Variants in SPON1 observed in about 807,000 individuals in gnomAD.
SPON1 encodes the protein spondin 1.
SPON1 carries 52 observed loss-of-function variants against 111.7 expected under a neutral mutation model. The observed-to-expected ratio is 0.47, with a 90% confidence interval of 0.37 to 0.59. The LOEUF (loss-of-function observed/expected upper bound fraction) is 0.59. Ranked by LOEUF, SPON1 falls within the 20% of genes least tolerant of loss-of-function variation. SPON1 has a pLI of 0.00. For missense variants in SPON1, 957 were observed against 1,068.5 expected (o/e 0.90, Z 1.46); for synonymous variants, 410 against 395.8 (o/e 1.04, Z -0.43).
intron 7 of SPON1, among the ~76,000 whole-genome samples, chr11:14,247,884 A>G (rs1849009712): frequency 6.6e-6 from 1 of 152,244 alleles, no homozygotes; most frequent in South Asian, 2.1e-4. Context: ...CAGGGCAAGA[A>G]TTCTGCACTG....
intron 2 of SPON1, among the ~76,000 whole-genome samples, chr11:14,006,090 A>G (rs1554913086): frequency 6.6e-6 from 1 of 152,224 alleles, no homozygotes; most frequent in Non-Finnish European, 1.5e-5. Flanking sequence ...AGGGCTATAG[A>G]AAGAGCAGTC....
At chr11:14,035,217 G>A (rs1396679085) in intron 2 of SPON1, among the ~76,000 whole-genome samples, 2 of 152,142 alleles carry the variant, frequency 1.3e-5, no homozygotes, top group African/African-American at 4.8e-5. Flanking sequence ...TAAAGGATAT[G>A]GCACTATTAG....
intron 6 of SPON1, among the ~76,000 whole-genome samples, chr11:14,144,633 CCAA>C (rs782637310): frequency 0.021 from 2,634 of 123,924 alleles, 92 homozygotes; most frequent in African/African-American, 0.076. Flanking sequence ...GACTCCATCT[CCAA>C]TAATAATAAT....
At chr11:13,977,975 G>A (rs1848115373) in intron 1 of SPON1, among the ~76,000 whole-genome samples, 1 of 152,046 alleles carries the variant, frequency 6.6e-6, no homozygotes, top group South Asian at 2.1e-4. Context: ...GAAAGTAATT[G>A]TGGTTTTTGC....
chr11:14,255,236 T>C (rs1182806954), intron 8 of SPON1, among the ~76,000 whole-genome samples: 3 of 152,228 alleles, frequency 2.0e-5, no homozygotes, highest in African/African-American at 4.8e-5. Context: ...GGCTGTTTTC[T>C]CACTACCACA....
chr11:14,201,749 GTATT>G (rs1377504293), intron 6 of SPON1, among the ~76,000 whole-genome samples: 1 of 152,088 alleles, frequency 6.6e-6, no homozygotes, highest in African/African-American at 2.4e-5. Context: ...ATACACATAA[GTATT>G]TAATGTATGA....
intron 2 of SPON1, among the ~76,000 whole-genome samples, chr11:14,009,367 C>T (rs902281103): frequency 3.9e-5 from 6 of 152,174 alleles, no homozygotes; most frequent in East Asian, 3.8e-4. Flanking sequence ...CCAGTTTTCT[C>T]CTGCCCCAGG....
chr11:14,247,908 G>T (rs1339697365), intron 7 of SPON1, among the ~76,000 whole-genome samples: 1 of 152,116 alleles, frequency 6.6e-6, no homozygotes, highest in East Asian at 1.9e-4. Context: ...TCTAAAATTG[G>T]GAGCCCTCAA....
chr11:14,093,262 G>A (rs1849073171), intron 5 of SPON1, among the ~76,000 whole-genome samples: 1 of 152,236 alleles, frequency 6.6e-6, no homozygotes, highest in African/African-American at 2.4e-5. Context: ...CAGAAACAAG[G>A]TGACTAGGCA....
intron 3 of SPON1, among the ~76,000 whole-genome samples, chr11:14,064,310 C>T (rs370682401): frequency 6.6e-6 from 1 of 152,318 alleles, no homozygotes; most frequent in Middle Eastern, 3.4e-3. Flanking sequence ...GCCAAATGAA[C>T]AGTAACAACA....
At chr11:14,077,242 G>A (rs111639328) in intron 4 of SPON1, among the ~76,000 whole-genome samples, 34 of 152,262 alleles carry the variant, frequency 2.2e-4, no homozygotes, top group African/African-American at 7.2e-4. Flanking sequence ...GCTGTCCTCC[G>A]ACAGTCAAAC....
At chr11:13,999,987 C>T (rs550525289) in intron 2 of SPON1, among the ~76,000 whole-genome samples, 1 of 152,290 alleles carries the variant, frequency 6.6e-6, no homozygotes, top group Admixed American at 6.5e-5. Context: ...CTTGCAAATC[C>T]TGTTCTCATA....
chr11:14,139,276 G>T (rs1554928506), intron 6 of SPON1, among the ~76,000 whole-genome samples: 2 of 152,168 alleles, frequency 1.3e-5, no homozygotes, highest in African/African-American at 2.4e-5. Flanking sequence ...CTTCTAACTG[G>T]TGAACTCCTA....
Position 14,113,568 on chromosome 11 carries a change from A to ATT in SPON1, c.677-21801_677-21800dup, listed in dbSNP as rs782780924. On this transcript the variant is annotated intron_variant, in intron 5 of 15. Coordinates refer to ENST00000576479, the MANE Select transcript of SPON1 (RefSeq NM_006108.4). ...AAGTCACCTCCTATGTACTTTTTAA[A>ATT]TTTTTTTTTTTTTTTTTTTTTTTTT... 4.2e-3 allele frequency among the ~76,000 whole-genome samples: 312 copies of ATT among 74,530 alleles called. 20 individuals are homozygous for ATT. Among genetic ancestry groups the ATT allele is most frequent in the Non-Finnish European group, 6.8e-3 (256 of 37,592 alleles). The allele number at this position is 74,530 out of a possible 152,430, so 48.9% of individuals were successfully genotyped here. A position where few individuals can be genotyped will look rare whatever the true frequency, so the allele number is the denominator to read the frequency against.
At chr11:14,033,461 A>C (rs1848573261) in intron 2 of SPON1, among the ~76,000 whole-genome samples, 1 of 152,174 alleles carries the variant, frequency 6.6e-6, no homozygotes, top group African/African-American at 2.4e-5. Flanking sequence ...GTGACGTATC[A>C]GGGGAGATAA....
intron 6 of SPON1, among the ~76,000 whole-genome samples, chr11:14,196,657 C>T (rs11023135): frequency 0.4 from 60,530 of 152,086 alleles, 12,190 homozygotes; most frequent in East Asian, 0.55. Flanking sequence ...CAGCTCAGTG[C>T]TGGGTTTCCC....
chr11:14,026,200 G>T (rs75336299), intron 2 of SPON1, among the ~76,000 whole-genome samples: 1 of 152,276 alleles, frequency 6.6e-6, no homozygotes, highest in Non-Finnish European at 1.5e-5. Context: ...GGTGCACAAA[G>T]ACAAAATGCA....
intron 5 of SPON1, among the ~76,000 whole-genome samples, chr11:14,117,714 A>G (rs1229829812): frequency 1.3e-5 from 2 of 152,154 alleles, no homozygotes; most frequent in African/African-American, 4.8e-5. Flanking sequence ...ACTTAGTTAA[A>G]TAGACTTTGC....
At chr11:13,974,897 G>A (rs1381132486) in intron 1 of SPON1, among the ~76,000 whole-genome samples, 2 of 152,132 alleles carry the variant, frequency 1.3e-5, no homozygotes, top group African/African-American at 4.8e-5. Flanking sequence ...CTCCCAGAAT[G>A]CAACTTATGA....
Sources: allele counts gnomAD v4.1 joint callset (sites outside exome capture counted in the v4.1 genomes callset), GRCh38; gene constraint gnomAD v4.1.1; transcripts MANE v1.5; gene names NCBI Gene and HGNC (gene_info 2026-07-23, HGNC 2026-07-21).